ZNF184: variants seen among roughly 807,000 people sequenced by gnomAD.
The protein encoded by ZNF184 is zinc finger protein 184.
ZNF184 carries 16 observed loss-of-function variants against 54.4 expected under a neutral mutation model. The ratio of observed to expected loss-of-function variants is 0.29; its 90% confidence interval spans 0.20 to 0.45. The LOEUF is 0.45. Among genes scored for constraint, ZNF184 ranks in the 20% least tolerant of loss-of-function variants. The pLI is 1.00. For missense variants in ZNF184, 681 were observed against 888.2 expected (o/e 0.77, Z 2.97); for synonymous variants, 254 against 295.3 (o/e 0.86, Z 1.43).
the ZNF184 span, among the ~76,000 whole-genome samples, chr6:27,423,917 A>T: frequency 6.6e-6 from 1 of 152,190 alleles, no homozygotes; most frequent in Non-Finnish European, 1.5e-5. Context: ...TGGAATCTCT[A>T]GCAAATGCTT....
chr6:27,451,452 A>G lies in ZNF184; in HGVS notation c.2107T>C (p.Cys703Arg), dbSNP rs754109552. ...TGEKPYNCNECRKTFSQSTYL... is the reference protein window; with the variant it reads ...TGEKPYNCNERRKTFSQSTYL... ...GTGCTCTGGCTAAAAGTCTTTCTGC[A>G]TTCATTACAGTTATAAGGTTTCTCT... Residue 703 changes from cysteine to arginine, a missense_variant, in exon 6 of 6, where the codon TGC (cysteine) becomes CGC (arginine). Transcript: ENST00000683788. The G allele has an allele frequency of 1.5e-5, 25 of 1,614,044 alleles. No homozygotes were observed. The highest frequency in any genetic ancestry group is 1.0e-4 in the Admixed American group (6 of 59,998).
rs766395652 is a variant in ZNF184 at position 27,451,706 on chromosome 6, T to A, written c.1853A>T (p.Glu618Val). 18 of 1,613,888 alleles carry A rather than the reference T, an allele frequency of 1.1e-5. No homozygotes were observed. Among genetic ancestry groups the A allele is most frequent in the Non-Finnish European group, 1.4e-5 (17 of 1,179,958 alleles). The change falls in exon 6 of 6, where the codon GAG (glutamate) becomes GTG (valine). Residue 618 changes from glutamate to valine, a missense_variant. Coordinates refer to ENST00000683788, the MANE Select transcript of ZNF184 (RefSeq NM_001318891.2). ...ACAATGTCGAAAGGCTTTACCACACTCAGCACACTCATAAGGCTTGGCTCC... is the reference window on the plus strand; with the variant it reads ...ACAATGTCGAAAGGCTTTACCACACACAGCACACTCATAAGGCTTGGCTCC... ...HTGAKPYECA[E>V]CGKAFRHCSS...
the ZNF184 span, among the ~76,000 whole-genome samples, chr6:27,437,878 T>G: frequency 6.6e-6 from 1 of 152,224 alleles, no homozygotes; most frequent in Non-Finnish European, 1.5e-5. Context: ...ATTTTTATTC[T>G]CTGTAGGAAT....
intron 3 of ZNF184, among the ~76,000 whole-genome samples, chr6:27,467,322 G>A (rs900370063): frequency 2.0e-5 from 3 of 152,220 alleles, no homozygotes; most frequent in Admixed American, 6.5e-5. Flanking sequence ...GGGGCCTGGC[G>A]TGGTGGCTCA....
chr6:27,471,149 A>C (rs538765327), intron 2 of ZNF184, among the ~76,000 whole-genome samples: 1 of 152,328 alleles, frequency 6.6e-6, no homozygotes, highest in East Asian at 1.9e-4. Flanking sequence ...CTCCATAGGG[A>C]CATGTCATAA....
At chr6:27,406,140 C>G in the ZNF184 span, 5 of 152,236 alleles carry the variant, frequency 3.3e-5, no homozygotes, top group Non-Finnish European at 7.3e-5. Flanking sequence ...TTGTCGCCCT[C>G]CCATGAAGGC....
chr6:27,441,823 T>C, the ZNF184 span, among the ~76,000 whole-genome samples: 14 of 152,346 alleles, frequency 9.2e-5, no homozygotes, highest in East Asian at 2.5e-3. Context: ...ACAATGCTAA[T>C]TTATTAATTA....
At chr6:27,467,110 ACCT>A (rs1763157918) in intron 3 of ZNF184, among the ~76,000 whole-genome samples, 1 of 151,990 alleles carries the variant, frequency 6.6e-6, no homozygotes, top group South Asian at 2.1e-4. Context: ...CAGCCCCACC[ACCT>A]TACTTGTTCA....
In ZNF184 at chr6:27,451,102, CAGT is replaced by C; in HGVS notation, c.*198_*200del. On this transcript the variant is annotated 3_prime_UTR_variant, in exon 6 of 6. Transcript: ENST00000683788. ...CCATAAAGGAAACTAAAGCTTAAAA[CAGT>C]AGAGTTTTCTAATGTCACAGAGTGG... The C allele has an allele frequency of 1.9e-6, 1 of 513,286 alleles. No individual in the cohort carries two copies. The highest frequency in any genetic ancestry group is 3.2e-6 in the Non-Finnish European group (1 of 308,672). The allele number at this position is 513,286 out of a possible 1,614,324, so 31.8% of individuals were successfully genotyped here.
chr6:27,412,394 G>A, the ZNF184 span, among the ~76,000 whole-genome samples: 19 of 152,264 alleles, frequency 1.2e-4, no homozygotes, highest in East Asian at 3.3e-3. Context: ...ATGCATGTGT[G>A]TCTTTCCACA....
At chr6:27,427,069 A>G in the ZNF184 span, among the ~76,000 whole-genome samples, 3 of 150,302 alleles carry the variant, frequency 2.0e-5, no homozygotes, top group Admixed American at 2.0e-4. Flanking sequence ...AAAGATTTCT[A>G]GAACGTATTA....
At chr6:27,410,100 A>G in the ZNF184 span, among the ~76,000 whole-genome samples, 99 of 152,366 alleles carry the variant, frequency 6.5e-4, no homozygotes, top group African/African-American at 2.1e-3. Context: ...GTAGTTGGCT[A>G]TACCATGTAG....
At chr6:27,417,326 C>G in the ZNF184 span, among the ~76,000 whole-genome samples, 2 of 152,130 alleles carry the variant, frequency 1.3e-5, no homozygotes, top group Admixed American at 6.5e-5. Context: ...TTATCAAAAC[C>G]CTATTTCAGC....
the ZNF184 span, among the ~76,000 whole-genome samples, chr6:27,436,025 C>T: frequency 1.3e-5 from 2 of 151,584 alleles, no homozygotes; most frequent in Admixed American, 1.3e-4. Flanking sequence ...CCCAAGTAAG[C>T]ATCCTTATCT....
chr6:27,447,071 TCAAAAA>T (rs1762646100), downstream of ZNF184, among the ~76,000 whole-genome samples: 1 of 132,168 alleles, frequency 7.6e-6, no homozygotes, highest in Admixed American at 7.4e-5. Context: ...GCCACTGCAA[TCAAAAA>T]AAAAAAAAAA....
the ZNF184 span, among the ~76,000 whole-genome samples, chr6:27,423,245 C>G: frequency 6.6e-6 from 1 of 152,178 alleles, no homozygotes; most frequent in Non-Finnish European, 1.5e-5. Flanking sequence ...TCGGCTTTCA[C>G]CCTAAGAATC....
chr6:27,451,395 C>T lies in ZNF184; in HGVS notation c.2164G>A (p.Gly722Arg). ...YLIQHQRIHS[G>R]EKPFGCNDCG... ...TCATTACATCCAAAAGGCTTCTCTC[C>T]TGAATGAATTCTCTGGTGCTGAATG... Residue 722 changes from glycine (G) to arginine (R), a missense_variant, in exon 6 of 6, where the codon GGA (glycine) becomes AGA (arginine). Coordinates refer to ENST00000683788, the MANE Select transcript of ZNF184 (RefSeq NM_001318891.2). 1 of 1,614,158 alleles carries T rather than the reference C, an allele frequency of 6.2e-7. No individual in the cohort carries two copies. Among genetic ancestry groups the T allele is most frequent in the Non-Finnish European group, 8.5e-7 (1 of 1,179,996 alleles).
chr6:27,416,571 C>T, the ZNF184 span, among the ~76,000 whole-genome samples: 2 of 152,078 alleles, frequency 1.3e-5, no homozygotes, highest in Admixed American at 6.6e-5. Context: ...GATAAGTATA[C>T]GTCTCTGTTT....
rs774706264 is a variant in ZNF184, at chr6:27,451,517, C to T, written c.2042G>A (p.Arg681Gln). 9.9e-6 allele frequency: 16 copies of T among 1,613,904 alleles called. No homozygotes were observed. The highest frequency in any genetic ancestry group is 8.9e-5 in the East Asian group (4 of 44,886). Residue 681 changes from arginine (R) to glutamine (Q), a missense_variant, in exon 6 of 6, where the codon CGG becomes CAG. By Grantham distance (43) the Arg-to-Gln change is conservative. Coordinates refer to ENST00000683788, the MANE Select transcript of ZNF184 (RefSeq NM_001318891.2). The stretch of plus-strand genomic sequence containing the variant: ...CTGATGTTCAGTCAGATGAGTGCTC[C>T]GGCTAAAGGCTTTGTCACATTCATT... ...KCNECDKAFS[R>Q]STHLTEHQNT...
Sources: gnomAD v4.1 joint callset for allele counts (sites outside exome capture counted in the v4.1 genomes callset) on GRCh38, gnomAD v4.1.1 for gene constraint, MANE v1.5 for transcripts, NCBI Gene and HGNC (gene_info 2026-07-23, HGNC 2026-07-21) for gene names.